Variants in CLRN1 observed in about 807,000 individuals in gnomAD.
The protein encoded by CLRN1 is clarin 1, also known as clarin-1.
A neutral mutation model predicts 18.7 loss-of-function variants in CLRN1; 15 were observed. The observed-to-expected ratio is 0.80, with a 90% CI of 0.54 to 1.23. The LOEUF (loss-of-function observed/expected upper bound fraction) is 1.23. Ranked by LOEUF, CLRN1 falls within the 50% of genes most tolerant of loss-of-function variation. CLRN1 has a pLI of 0.00. For synonymous variants in CLRN1, 104 were observed against 102.9 expected, an observed-to-expected ratio of 1.01 and a Z score of -0.07; for missense variants, 311 against 277.5, an observed-to-expected ratio of 1.12 and a Z score of -0.86.
chr3:150,953,183 C>T (rs765283186), intron 1 of CLRN1, among the ~76,000 whole-genome samples: 1 of 152,188 alleles, frequency 6.6e-6, no homozygotes, highest in Non-Finnish European at 1.5e-5. Context: ...ACATTTTGAT[C>T]TGTGGAGGAG....
intron 1 of CLRN1, among the ~76,000 whole-genome samples, chr3:150,945,127 A>C (rs13092829): frequency 6.6e-6 from 1 of 152,052 alleles, no homozygotes; most frequent in Non-Finnish European, 1.5e-5. Flanking sequence ...TTATGTGCTA[A>C]GTGCCTCAAT....
intron 1 of CLRN1, among the ~76,000 whole-genome samples, chr3:150,969,317 T>TTTG (rs1715421464): frequency 2.5e-5 from 1 of 40,336 alleles, no homozygotes; most frequent in African/African-American, 1.0e-4. Flanking sequence ...ATATATATTT[T>TTTG]TTTTTTTTTT....
intron 1 of CLRN1, among the ~76,000 whole-genome samples, chr3:150,961,138 A>G (rs959562506): frequency 6.6e-6 from 1 of 152,132 alleles, no homozygotes; most frequent in African/African-American, 2.4e-5. Flanking sequence ...AAAACCCCCC[A>G]ACTGTGTGGA....
chr3:150,963,257 C>G (rs1037130574), intron 1 of CLRN1, among the ~76,000 whole-genome samples: 3 of 152,054 alleles, frequency 2.0e-5, no homozygotes, highest in African/African-American at 7.2e-5. Context: ...ACAAGCATTC[C>G]TATACACCAA....
At chr3:150,970,861 C>A (rs922960946) in intron 1 of CLRN1, among the ~76,000 whole-genome samples, 1 of 152,162 alleles carries the variant, frequency 6.6e-6, no homozygotes, top group Non-Finnish European at 1.5e-5. Flanking sequence ...CCACAAAAAT[C>A]ATTCGCTAAA....
downstream of CLRN1, chr3:150,926,521 T>G: frequency 2.1e-6 from 1 of 477,566 alleles, no homozygotes; most frequent in Non-Finnish European, 3.8e-6. Flanking sequence ...AATTGTAGTC[T>G]TCTAGAAATT....
chr3:150,966,202 T>C (rs955454339), intron 1 of CLRN1, among the ~76,000 whole-genome samples: 1 of 152,164 alleles, frequency 6.6e-6, no homozygotes, highest in Non-Finnish European at 1.5e-5. Context: ...TGGTCCCTTC[T>C]ACTCAGGAGG....
intron 1 of CLRN1, among the ~76,000 whole-genome samples, chr3:150,950,145 A>G (rs1714406509): frequency 6.6e-6 from 1 of 152,166 alleles, no homozygotes. Context: ...TCCTTACACC[A>G]AACACAAAAA....
chr3:150,952,458 T>C (rs1047640783), intron 1 of CLRN1, among the ~76,000 whole-genome samples: 1 of 152,182 alleles, frequency 6.6e-6, no homozygotes, highest in African/African-American at 2.4e-5. Flanking sequence ...GCTATGATGT[T>C]CGGTAGATTC....
At chr3:150,949,631 C>T (rs1714381985) in intron 1 of CLRN1, among the ~76,000 whole-genome samples, 1 of 152,106 alleles carries the variant, frequency 6.6e-6, no homozygotes, top group Non-Finnish European at 1.5e-5. Flanking sequence ...AGGAATACAG[C>T]TAAGCAAGGA....
At chr3:150,948,065 T>C (rs543928383) in intron 1 of CLRN1, among the ~76,000 whole-genome samples, 22 of 152,154 alleles carry the variant, frequency 1.4e-4, no homozygotes, top group Admixed American at 1.1e-3. Flanking sequence ...AACTGAAGGA[T>C]TGATACATGA....
At chr3:150,971,116 C>T (rs140017469) in intron 1 of CLRN1, among the ~76,000 whole-genome samples, 5 of 152,192 alleles carry the variant, frequency 3.3e-5, no homozygotes, top group Non-Finnish European at 5.9e-5. Context: ...CGGTGACTCA[C>T]GGTTAAATCA....
intron 1 of CLRN1, among the ~76,000 whole-genome samples, chr3:150,950,148 C>T (rs1405630991): frequency 5.3e-5 from 8 of 152,068 alleles, no homozygotes; most frequent in African/African-American, 1.4e-4. Context: ...TTACACCAAA[C>T]ACAAAAATCA....
intron 2 of CLRN1, chr3:150,940,666 A>C: frequency 1.5e-6 from 1 of 685,560 alleles, no homozygotes; most frequent in Admixed American, 2.7e-5. Context: ...ATCTTTTTGC[A>C]AAGTTAGAAT....
intron 2 of CLRN1, among the ~76,000 whole-genome samples, chr3:150,936,511 C>T (rs1409596317): frequency 6.6e-6 from 1 of 152,086 alleles, no homozygotes; most frequent in Non-Finnish European, 1.5e-5. Context: ...CAGAATGCCA[C>T]CACTATTTAT....
intron 1 of CLRN1, among the ~76,000 whole-genome samples, chr3:150,946,936 G>A (rs79090654): frequency 4.7e-5 from 6 of 126,968 alleles, no homozygotes; most frequent in East Asian, 2.3e-4. Flanking sequence ...TGTGAGGTTC[G>A]CCTTCCTCTG....
intron 1 of CLRN1, among the ~76,000 whole-genome samples, chr3:150,942,017 G>T (rs1299031865): frequency 1.3e-5 from 2 of 151,860 alleles, no homozygotes; most frequent in Non-Finnish European, 2.9e-5. Context: ...CATATGTAAT[G>T]ATTTAAACAA....
chr3:150,971,755 C>T (rs886158418), intron 1 of CLRN1, among the ~76,000 whole-genome samples: 2 of 152,128 alleles, frequency 1.3e-5, no homozygotes, highest in African/African-American at 2.4e-5. Context: ...TAAAAATTCT[C>T]TTCTTAAGAT....
chr3:150,952,934 T>TTTCTTC (rs968988955), intron 1 of CLRN1, among the ~76,000 whole-genome samples: 11 of 151,958 alleles, frequency 7.2e-5, no homozygotes, highest in Non-Finnish European at 2.9e-5. Flanking sequence ...CTTTATCAGG[T>TTTCTTC]TTCTTCTTCT....
Sources: gnomAD v4.1 joint callset for allele counts (sites outside exome capture counted in the v4.1 genomes callset) on GRCh38, gnomAD v4.1.1 for gene constraint, MANE v1.5 for transcripts, NCBI Gene and HGNC (gene_info 2026-07-23, HGNC 2026-07-21) for gene names.